Variants in TNIK observed in about 807,000 individuals in gnomAD.
TNIK encodes the protein TRAF2 and NCK interacting kinase.
In TNIK, 49 loss-of-function variants were observed where a neutral mutation model predicts 191.3. The observed-to-expected ratio is 0.26, with a 90% CI of 0.20 to 0.32. The LOEUF (loss-of-function observed/expected upper bound fraction) is 0.32, where lower values mean the gene tolerates loss of function less well. TNIK is among the 10% of genes least tolerant of loss of function. The probability of loss-of-function intolerance (pLI) is 1.00; values close to 1 mark genes in which losing one functional copy is unlikely to be tolerated. For missense variants in TNIK, 1,155 were observed against 1,702.3 expected, an observed-to-expected ratio of 0.68 and a Z score of 5.66; for synonymous variants, 594 against 600.9, an observed-to-expected ratio of 0.99 and a Z score of 0.17.
At chr3:171,454,287 G>A (rs1728539093) in intron 1 of TNIK, among the ~76,000 whole-genome samples, 1 of 152,142 alleles carries the variant, frequency 6.6e-6, no homozygotes, top group Non-Finnish European at 1.5e-5. Flanking sequence ...AAGGAATGGC[G>A]TCGAAACAAG....
intron 8 of TNIK, 96 bp downstream of exon 8, chr3:171,177,230 G>A (rs1043364034): frequency 5.4e-6 from 7 of 1,295,930 alleles, no homozygotes; most frequent in Non-Finnish European, 6.4e-6. Flanking sequence ...AGGGCTCGGT[G>A]TAGTGGAAGT....
At chr3:171,210,987 T>G in intron 4 of TNIK, 129 bp downstream of exon 4, 1 of 1,176,478 alleles carries the variant, frequency 8.5e-7, no homozygotes, top group South Asian at 1.5e-5. Context: ...AACAATATGT[T>G]ACGGACATCA....
intron 1 of TNIK, among the ~76,000 whole-genome samples, chr3:171,450,440 T>C (rs1013570491): frequency 1.3e-5 from 2 of 152,176 alleles, no homozygotes; most frequent in Non-Finnish European, 2.9e-5. Context: ...GTCCAGGATG[T>C]TGGCAATCCA....
rs372616574 is a variant in TNIK at position 171,079,690 on chromosome 3, G to A, written c.3314-38C>T. On this transcript the variant is annotated intron_variant, in intron 27 of 32. Coordinates refer to ENST00000436636, the MANE Select transcript of TNIK (RefSeq NM_015028.4). ...TAGAGGTTTAATTTCAAATTGCTGT[G>A]ACAGCTCTCACTTTTTCCTTCCCCA... 4.0e-5 allele frequency: 62 copies of A among 1,567,446 alleles called. No individual in the cohort carries two copies. The African/African-American group carries it at 6.2e-4, about 16-fold the overall frequency.
chr3:171,408,208 A>G (rs1721952886), intron 1 of TNIK, among the ~76,000 whole-genome samples: 1 of 152,232 alleles, frequency 6.6e-6, no homozygotes, highest in Non-Finnish European at 1.5e-5. Flanking sequence ...TATTAAATAA[A>G]TGAAAAGAAA....
chr3:171,245,536 T>C (rs182638675), intron 2 of TNIK, among the ~76,000 whole-genome samples: 1 of 151,838 alleles, frequency 6.6e-6, no homozygotes, highest in African/African-American at 2.4e-5. Flanking sequence ...CCCAGGAAGG[T>C]TGGGACATCT....
intron 2 of TNIK, among the ~76,000 whole-genome samples, chr3:171,266,773 C>T (rs1054233578): frequency 1.3e-5 from 2 of 152,194 alleles, no homozygotes; most frequent in Non-Finnish European, 2.9e-5. Flanking sequence ...CTTCCTCTGG[C>T]CTTTCTTGAG....
intron 1 of TNIK, among the ~76,000 whole-genome samples, chr3:171,380,782 A>C (rs1007485498): frequency 6.6e-6 from 1 of 152,384 alleles, no homozygotes; most frequent in East Asian, 1.9e-4. Context: ...CTTTCGGCCA[A>C]GGGCCCAGGA....
At chr3:171,192,168 G>T (rs1738142171) in intron 5 of TNIK, among the ~76,000 whole-genome samples, 1 of 152,204 alleles carries the variant, frequency 6.6e-6, no homozygotes, top group Non-Finnish European at 1.5e-5. Context: ...TGAGGCACTG[G>T]TTTAGGTCTT....
chr3:171,282,356 T>TTTTTTTTTTTTTTTTTTTTTTTG (rs1750554822), intron 2 of TNIK, among the ~76,000 whole-genome samples: 1 of 143,780 alleles, frequency 7.0e-6, no homozygotes, highest in African/African-American at 2.6e-5. Context: ...TTTTTTTTTT[T>TTTTTTTTTTTTTTTTTTTTTTTG]TTGAGATGGA....
intron 2 of TNIK, among the ~76,000 whole-genome samples, chr3:171,269,517 A>T (rs1445276758): frequency 6.6e-6 from 1 of 152,212 alleles, no homozygotes; most frequent in Non-Finnish European, 1.5e-5. Flanking sequence ...TACATCACAC[A>T]ATGTTCCCCC....
chr3:171,289,336 C>G (rs1190068323), intron 2 of TNIK, among the ~76,000 whole-genome samples: 1 of 152,142 alleles, frequency 6.6e-6, no homozygotes, highest in Non-Finnish European at 1.5e-5. Context: ...GGCTATGGTT[C>G]TAAGTTAAAT....
At chr3:171,278,833 C>A (rs938285738) in intron 2 of TNIK, among the ~76,000 whole-genome samples, 6 of 152,116 alleles carry the variant, frequency 3.9e-5, no homozygotes, top group Admixed American at 3.3e-4. Context: ...ACTTTTATTC[C>A]ATATCTGGGA....
At chr3:171,285,649 T>C (rs1481425216) in intron 2 of TNIK, among the ~76,000 whole-genome samples, 32 of 152,204 alleles carry the variant, frequency 2.1e-4, no homozygotes, top group Admixed American at 2.1e-3. Context: ...CCATTTTCAT[T>C]TTAAATCAAT....
chr3:171,281,660 C>T (rs1013757829), intron 2 of TNIK, among the ~76,000 whole-genome samples: 1 of 151,836 alleles, frequency 6.6e-6, no homozygotes, highest in Non-Finnish European at 1.5e-5. Context: ...AACACTAAAC[C>T]GTACCAAGTA....
At chr3:171,224,489 A>T (rs916691730) in intron 3 of TNIK, among the ~76,000 whole-genome samples, 1 of 152,060 alleles carries the variant, frequency 6.6e-6, no homozygotes, top group Admixed American at 6.6e-5. Flanking sequence ...CCCACAAAAA[A>T]CCATAGCTCC....
intron 25 of TNIK, 75 bp from the exon 26 acceptor site, chr3:171,084,400 T>C (rs190250960): frequency 2.0e-6 from 3 of 1,484,964 alleles, no homozygotes; most frequent in East Asian, 4.6e-5. Context: ...CAAAACACTA[T>C]GATTTCTCCT....
intron 1 of TNIK, among the ~76,000 whole-genome samples, chr3:171,440,341 T>G (rs1312330232): frequency 6.6e-6 from 1 of 152,120 alleles, no homozygotes. Flanking sequence ...TTTCAAAATC[T>G]GATTGCAACC....
chr3:171,396,906 G>T (rs143555701), intron 1 of TNIK, among the ~76,000 whole-genome samples: 2,312 of 152,220 alleles, frequency 0.015, 28 homozygotes, highest in Non-Finnish European at 0.021. Context: ...TATAAAAATG[G>T]ACTCATATTG....
Sources: allele counts gnomAD v4.1 joint callset (sites outside exome capture counted in the v4.1 genomes callset), GRCh38; gene constraint gnomAD v4.1.1; transcripts MANE v1.5; gene names NCBI Gene and HGNC (gene_info 2026-07-23, HGNC 2026-07-21).